The following SYT16 variants were observed in gnomAD, a reference collection of about 807,000 sequenced individuals.
The protein encoded by SYT16 is synaptotagmin 16.
Under a neutral mutation model 61.4 loss-of-function variants are expected in SYT16, and 42 were observed. That is an observed-to-expected ratio of 0.68 (90% CI 0.53 to 0.89). SYT16 has a LOEUF of 0.89. Among genes scored for constraint, SYT16 ranks in the 40% least tolerant of loss-of-function variants. The pLI, the probability that SYT16 is intolerant of heterozygous loss-of-function variation, is 0.00. For missense variants in SYT16, 804 were observed against 807.3 expected (o/e 1.00, Z 0.05); for synonymous variants, 314 against 302.3 (o/e 1.04, Z -0.40).
At chr14:61,824,642 G>C (rs1360006314) in intron 1 of SYT16, among the ~76,000 whole-genome samples, 2 of 152,114 alleles carry the variant, frequency 1.3e-5, no homozygotes, top group African/African-American at 4.8e-5. Flanking sequence ...GTGAGCCACC[G>C]TGCCCGGCTA....
intron 3 of SYT16, among the ~76,000 whole-genome samples, chr14:62,049,360 A>C (rs7141273): frequency 0.45 from 68,371 of 151,884 alleles, 18,553 homozygotes; most frequent in African/African-American, 0.77. Context: ...TATTTTGAGC[A>C]TATATGTGTC....
chr14:61,931,786 A>G (rs954409453), intron 1 of SYT16, among the ~76,000 whole-genome samples: 1 of 152,158 alleles, frequency 6.6e-6, no homozygotes, highest in African/African-American at 2.4e-5. Flanking sequence ...GTTTTAGGGT[A>G]CATGTGCACA....
chr14:62,027,592 T>C (rs951677567), intron 3 of SYT16, among the ~76,000 whole-genome samples: 9 of 152,240 alleles, frequency 5.9e-5, no homozygotes, highest in Admixed American at 3.9e-4. Context: ...TTGTTCATTG[T>C]ATTTCAGTCC....
At chr14:62,063,414 C>G (rs940908886) in intron 3 of SYT16, among the ~76,000 whole-genome samples, 1 of 152,148 alleles carries the variant, frequency 6.6e-6, no homozygotes, top group Non-Finnish European at 1.5e-5. Flanking sequence ...ATGCTAAGGC[C>G]TTTACGTGGC....
At chr14:61,896,264 C>T (rs1176018209) in intron 1 of SYT16, among the ~76,000 whole-genome samples, 1 of 152,170 alleles carries the variant, frequency 6.6e-6, no homozygotes, top group Non-Finnish European at 1.5e-5. Context: ...TAGAGGTCTT[C>T]CTGCAAGGTG....
At chr14:61,989,348 A>AG (rs2052451763) in intron 2 of SYT16, among the ~76,000 whole-genome samples, 2 of 152,084 alleles carry the variant, frequency 1.3e-5, no homozygotes, top group Non-Finnish European at 2.9e-5. Flanking sequence ...GGATAAACTG[A>AG]GGTCAGGAGT....
chr14:62,034,893 C>A (rs899681022), intron 3 of SYT16, among the ~76,000 whole-genome samples: 2 of 152,136 alleles, frequency 1.3e-5, no homozygotes, highest in African/African-American at 4.8e-5. Context: ...AAAAAGGCTT[C>A]CTCACAAACA....
At chr14:62,074,327 C>T (rs2056405354) in intron 4 of SYT16, among the ~76,000 whole-genome samples, 1 of 152,030 alleles carries the variant, frequency 6.6e-6, no homozygotes, top group African/African-American at 2.4e-5. Flanking sequence ...GGACAGGACA[C>T]AGGGAGGGTT....
upstream of SYT16, chr14:61,812,678 AG>A (rs1278927255): frequency 6.9e-6 from 1 of 145,676 alleles, no homozygotes; most frequent in Admixed American, 6.8e-5. Context: ...GCGCGGCAGG[AG>A]GGGCTGTGCG....
rs2057496776 is a variant in SYT16 at position 62,105,485 on chromosome 14, T to C, written c.*4778T>C. ...TTTTAAAATACTCTAATAACACAGC[T>C]CTCAAAACGTATCTGTTTGACTGGA... On this transcript the variant is annotated 3_prime_UTR_variant, in exon 8 of 8. Transcript: ENST00000683842. The C allele has an allele frequency of 6.6e-6, 1 of 152,156 alleles. No individual in the cohort carries two copies. Among genetic ancestry groups the C allele is most frequent in the Admixed American group, 6.5e-5 (1 of 15,282 alleles). The allele number at this position is 152,156 out of a possible 1,614,324, so 9.4% of individuals were successfully genotyped here. A position where few individuals can be genotyped will look rare whatever the true frequency, so the allele number is the denominator to read the frequency against.
At chr14:62,047,190 A>AT (rs2055031988) in intron 3 of SYT16, among the ~76,000 whole-genome samples, 1 of 152,122 alleles carries the variant, frequency 6.6e-6, no homozygotes, top group South Asian at 2.1e-4. Context: ...GGTCCTTCAC[A>AT]TCCCTTGCAA....
At chr14:62,017,626 G>A (rs1364037616) in intron 3 of SYT16, among the ~76,000 whole-genome samples, 1 of 151,884 alleles carries the variant, frequency 6.6e-6, no homozygotes, top group East Asian at 1.9e-4. Flanking sequence ...AGCAACTCTG[G>A]TTGGCTCTAC....
chr14:61,915,700 A>G (rs910233483), intron 1 of SYT16, among the ~76,000 whole-genome samples: 1 of 152,204 alleles, frequency 6.6e-6, no homozygotes, highest in Non-Finnish European at 1.5e-5. Context: ...TATGAAGTTC[A>G]CTGCTGGGAA....
chr14:61,816,772 G>A (rs555949266), intron 1 of SYT16, among the ~76,000 whole-genome samples: 2 of 152,224 alleles, frequency 1.3e-5, no homozygotes, highest in African/African-American at 2.4e-5. Flanking sequence ...AGCACTTTGG[G>A]AGGCCGAGGC....
chr14:61,953,459 CTT>C (rs1566711867), intron 1 of SYT16, among the ~76,000 whole-genome samples: 1 of 152,094 alleles, frequency 6.6e-6, no homozygotes, highest in African/African-American at 2.4e-5. Flanking sequence ...AGACCTCTCT[CTT>C]GTACTCTGTG....
chr14:61,879,807 C>G (rs1038204300), intron 1 of SYT16, among the ~76,000 whole-genome samples: 2 of 152,150 alleles, frequency 1.3e-5, no homozygotes, highest in African/African-American at 4.8e-5. Context: ...TCTACAAATT[C>G]CTGACATCGA....
At chr14:62,058,965 C>G (rs1393036951) in intron 3 of SYT16, among the ~76,000 whole-genome samples, 1 of 152,136 alleles carries the variant, frequency 6.6e-6, no homozygotes, top group Non-Finnish European at 1.5e-5. Flanking sequence ...CAAACTAACA[C>G]AGGAGCAGAA....
intron 4 of SYT16, among the ~76,000 whole-genome samples, chr14:62,070,222 A>G (rs1428870682): frequency 6.6e-6 from 1 of 152,236 alleles, no homozygotes; most frequent in African/African-American, 2.4e-5. Flanking sequence ...TAAGTTTTCC[A>G]CATATCTGTA....
rs796514443 is a variant in SYT16 at position 61,995,957 on chromosome 14, C to T, written c.-63C>T. 48 of 1,468,894 alleles carry T rather than the reference C, an allele frequency of 3.3e-5. No individual in the cohort carries two copies. The African/African-American group carries it at 5.2e-4, about 16-fold the overall frequency. 91.0% of individuals were successfully genotyped at this position (1,468,894 alleles called of 1,614,324 possible). A position where few individuals can be genotyped will look rare whatever the true frequency, so the allele number is the denominator to read the frequency against. On this transcript the variant is annotated 5_prime_UTR_variant, in exon 3 of 8. Coordinates refer to ENST00000683842, the MANE Select transcript of SYT16 (RefSeq NM_001367656.1). ...CTCAACATGCTTATTCTATAGTTCA[C>T]ATTCAATCCAGAGCACTGAAGGAAC...
Sources: allele counts gnomAD v4.1 joint callset (sites outside exome capture counted in the v4.1 genomes callset), GRCh38; gene constraint gnomAD v4.1.1; transcripts MANE v1.5; gene names NCBI Gene and HGNC (gene_info 2026-07-23, HGNC 2026-07-21).